Variants in EMCN observed in about 807,000 individuals in gnomAD.
EMCN encodes the protein MUC-14.
In EMCN, 37 loss-of-function variants were observed where a neutral mutation model predicts 38.4. The observed-to-expected ratio is 0.96, with a 90% CI of 0.74 to 1.27. The LOEUF (loss-of-function observed/expected upper bound fraction) is 1.27. EMCN is among the 50% of genes most tolerant of loss of function. The pLI is 0.00. For missense variants in EMCN, 318 were observed against 302.8 expected, an observed-to-expected ratio of 1.05 and a Z score of -0.37; for synonymous variants, 95 against 100.8, an observed-to-expected ratio of 0.94 and a Z score of 0.35.
At chr4:100,455,000 C>T (rs1204746309) in intron 4 of EMCN, among the ~76,000 whole-genome samples, 1 of 152,040 alleles carries the variant, frequency 6.6e-6, no homozygotes, top group Non-Finnish European at 1.5e-5. Flanking sequence ...GTTTAACAAT[C>T]TTATCTTTAT....
chr4:100,441,176 T>C (rs1727505840), intron 5 of EMCN, among the ~76,000 whole-genome samples: 1 of 152,190 alleles, frequency 6.6e-6, no homozygotes, highest in African/African-American at 2.4e-5. Context: ...ATTTGCTTTA[T>C]GTATTTAGGT....
chr4:100,402,680 A>C (rs906440331), intron 11 of EMCN, among the ~76,000 whole-genome samples: 2 of 152,192 alleles, frequency 1.3e-5, no homozygotes, highest in Admixed American at 1.3e-4. Flanking sequence ...TCAAATCAAA[A>C]GGCTTGGAAT....
At chr4:100,428,916 G>A (rs1305006787) in intron 5 of EMCN, among the ~76,000 whole-genome samples, 1 of 152,072 alleles carries the variant, frequency 6.6e-6, no homozygotes, top group Non-Finnish European at 1.5e-5. Flanking sequence ...TGTGAAACAT[G>A]CAATAAAGAA....
At chr4:100,401,353 G>A (rs1238514171) in intron 11 of EMCN, among the ~76,000 whole-genome samples, 1 of 152,022 alleles carries the variant, frequency 6.6e-6, no homozygotes, top group Non-Finnish European at 1.5e-5. Context: ...CCTTGTATTA[G>A]GTATTACAAG....
At chr4:100,469,795 G>A (rs756586294) in intron 3 of EMCN, among the ~76,000 whole-genome samples, 75 of 151,932 alleles carry the variant, frequency 4.9e-4, no homozygotes, top group African/African-American at 1.8e-3. Context: ...TATGGTTACT[G>A]TAGCCCAGTA....
At chr4:100,400,994 G>T (rs1726243428) in intron 11 of EMCN, among the ~76,000 whole-genome samples, 1 of 151,890 alleles carries the variant, frequency 6.6e-6, no homozygotes, top group African/African-American at 2.4e-5. Context: ...TCATATATTT[G>T]TGGTTTTTAT....
At chr4:100,462,845 T>C (rs1215878704) in intron 4 of EMCN, among the ~76,000 whole-genome samples, 2 of 152,142 alleles carry the variant, frequency 1.3e-5, no homozygotes, top group African/African-American at 2.4e-5. Context: ...AACTTCTGTA[T>C]GTTGTGCTTG....
At chr4:100,408,903 A>C (rs560518789) in intron 11 of EMCN, among the ~76,000 whole-genome samples, 4 of 152,194 alleles carry the variant, frequency 2.6e-5, no homozygotes, top group Admixed American at 2.6e-4. Flanking sequence ...CCTCTTTTCC[A>C]TAGGGCACTG....
chr4:100,481,013 A>C (rs1325873082), intron 1 of EMCN, among the ~76,000 whole-genome samples: 1 of 152,110 alleles, frequency 6.6e-6, no homozygotes, highest in African/African-American at 2.4e-5. Context: ...ATCTCTGGAA[A>C]TACAGTTTTA....
intron 5 of EMCN, among the ~76,000 whole-genome samples, chr4:100,442,862 T>C (rs1166479053): frequency 3.9e-5 from 6 of 152,180 alleles, no homozygotes; most frequent in Non-Finnish European, 8.8e-5. Context: ...TTTTTATTAT[T>C]TTTCTGAGAC....
chr4:100,471,564 A>G lies in EMCN; in HGVS notation c.259+3474T>C, dbSNP rs112268854. On this transcript the variant is annotated intron_variant, in intron 3 of 11. Coordinates refer to ENST00000296420, the MANE Select transcript of EMCN (RefSeq NM_016242.4). ...AAACTCTTTCAAAAATTAGTAGAGA[A>G]GGGAACACTTCCCAACTTATTCTAT... 2.6e-3 allele frequency among the ~76,000 whole-genome samples: 388 copies of G among 152,068 alleles called. 2 individuals carry two copies. Among genetic ancestry groups the G allele is most frequent in the African/African-American group, 9.0e-3 (374 of 41,564 alleles).
intron 10 of EMCN, 100 bp downstream of exon 10, chr4:100,415,798 G>T: frequency 1.4e-6 from 1 of 733,480 alleles, no homozygotes; most frequent in Non-Finnish European, 2.3e-6. Context: ...TTCTAAAGAA[G>T]TTAGGCCTTT....
At chr4:100,430,167 AAC>A in intron 5 of EMCN, among the ~76,000 whole-genome samples, 1 of 152,308 alleles carries the variant, frequency 6.6e-6, no homozygotes, top group Non-Finnish European at 1.5e-5. Context: ...TACAACTATT[AAC>A]ACACTTAATT....
intron 5 of EMCN, among the ~76,000 whole-genome samples, chr4:100,431,167 G>T (rs1560611865): frequency 6.6e-6 from 1 of 152,070 alleles, no homozygotes; most frequent in Non-Finnish European, 1.5e-5. Context: ...TTCTGGCTTT[G>T]TTTTTCTATC....
chr4:100,451,768 A>G (rs780426199), intron 4 of EMCN, among the ~76,000 whole-genome samples: 4 of 152,028 alleles, frequency 2.6e-5, no homozygotes, highest in Non-Finnish European at 4.4e-5. Context: ...TGAAATTGGT[A>G]TCATATATAC....
intron 5 of EMCN, among the ~76,000 whole-genome samples, chr4:100,431,350 T>G (rs933600546): frequency 6.6e-6 from 1 of 152,184 alleles, no homozygotes; most frequent in African/African-American, 2.4e-5. Context: ...GGTCAAGCAT[T>G]GTTGTGAGTG....
intron 7 of EMCN, among the ~76,000 whole-genome samples, chr4:100,422,169 T>C (rs1221997796): frequency 6.6e-6 from 1 of 152,108 alleles, no homozygotes; most frequent in Non-Finnish European, 1.5e-5. Flanking sequence ...TCCTTATATA[T>C]TTATCAGGGG....
At chr4:100,475,658 C>CATT (rs1728617733) in intron 2 of EMCN, among the ~76,000 whole-genome samples, 4 of 108,092 alleles carry the variant, frequency 3.7e-5, no homozygotes, top group Non-Finnish European at 1.8e-5. Context: ...CAATTCTAGT[C>CATT]CTTTTTTTTT....
At chr4:100,469,139 T>G (rs1728403245) in intron 3 of EMCN, among the ~76,000 whole-genome samples, 1 of 152,106 alleles carries the variant, frequency 6.6e-6, no homozygotes, top group Admixed American at 6.5e-5. Flanking sequence ...AAAGAAAGGA[T>G]AGTCTCTTCA....
Sources: allele counts gnomAD v4.1 joint callset (sites outside exome capture counted in the v4.1 genomes callset), GRCh38; gene constraint gnomAD v4.1.1; transcripts MANE v1.5; gene names NCBI Gene and HGNC (gene_info 2026-07-23, HGNC 2026-07-21).